The following GNAO1 variants were observed in gnomAD, a reference collection of about 807,000 sequenced individuals.
GNAO1 encodes G protein subunit alpha o1.
For synonymous variants in GNAO1, 164 were observed against 180.7 expected (o/e 0.91, Z 0.74); for missense variants, 166 against 478.7 (o/e 0.35, Z 6.10).
At chr16:56,238,846 C>T (rs751701644) in intron 2 of GNAO1, among the ~76,000 whole-genome samples, 3 of 152,108 alleles carry the variant, frequency 2.0e-5, no homozygotes, top group Non-Finnish European at 4.4e-5. Context: ...TCATAATTTG[C>T]GTTTGGGTAT....
At chr16:56,193,808 T>G in intron 2 of GNAO1, 1 of 309,190 alleles carries the variant, frequency 3.2e-6, no homozygotes, top group Non-Finnish European at 6.4e-6. Flanking sequence ...GACGGAGGAG[T>G]TCGTTTAGAC....
intron 6 of GNAO1, chr16:56,344,651 G>T: frequency 1.0e-6 from 1 of 985,770 alleles, no homozygotes; most frequent in Non-Finnish European, 1.2e-6. Context: ...GGAGCGGGGG[G>T]AGGGAGAGAT....
At chr16:56,265,990 T>A (rs1157764179) in intron 2 of GNAO1, among the ~76,000 whole-genome samples, 1 of 152,186 alleles carries the variant, frequency 6.6e-6, no homozygotes, top group African/African-American at 2.4e-5. Context: ...TCCCTCTGCC[T>A]GTTGCGTTCT....
rs113760445 is a variant in GNAO1 at position 56,353,918 on chromosome 16, G to A, written c.878-948G>A. Among the ~76,000 whole-genome samples, 402 of 152,312 alleles carry A rather than the reference G, an allele frequency of 2.6e-3. 3 individuals are homozygous for A. Among genetic ancestry groups the A allele is most frequent in the African/African-American group, 9.0e-3 (374 of 41,570 alleles). ...CCTTGTACACCCAAGGAATTGGTGG[G>A]GACAGAGGGCCCCCAGTTGGCATCA... On this transcript the variant is annotated intron_variant, in intron 7 of 8. Coordinates refer to ENST00000262493, the MANE Select transcript of GNAO1 (RefSeq NM_020988.3).
At chr16:56,320,082 A>AG (rs747818922) in intron 3 of GNAO1, among the ~76,000 whole-genome samples, 81 of 152,198 alleles carry the variant, frequency 5.3e-4, no homozygotes, top group Non-Finnish European at 1.0e-3. Context: ...TGTGGAAAAG[A>AG]GTCCTGTAGG....
At chr16:56,289,872 A>G (rs1227952213) in intron 3 of GNAO1, among the ~76,000 whole-genome samples, 1 of 152,146 alleles carries the variant, frequency 6.6e-6, no homozygotes, top group Admixed American at 6.5e-5. Flanking sequence ...CAGTCCCCCA[A>G]ACAATTGCAC....
intron 2 of GNAO1, among the ~76,000 whole-genome samples, chr16:56,256,158 T>C (rs1596823574): frequency 6.6e-6 from 1 of 152,244 alleles, no homozygotes; most frequent in African/African-American, 2.4e-5. Flanking sequence ...CCACAGCTGG[T>C]GGGAGTGGAG....
At chr16:56,324,028 G>T (rs2037604076) in intron 3 of GNAO1, among the ~76,000 whole-genome samples, 1 of 152,148 alleles carries the variant, frequency 6.6e-6, no homozygotes, top group African/African-American at 2.4e-5. Context: ...AAGGGCGGGG[G>T]GCCAGGGGGT....
At chr16:56,264,106 G>C (rs1056873106) in intron 2 of GNAO1, among the ~76,000 whole-genome samples, 27 of 152,242 alleles carry the variant, frequency 1.8e-4, no homozygotes, top group African/African-American at 6.5e-4. Flanking sequence ...CACCACCAAG[G>C]GGGAGCCCCA....
intron 2 of GNAO1, among the ~76,000 whole-genome samples, chr16:56,239,754 A>C (rs1272010690): frequency 6.6e-6 from 1 of 152,236 alleles, no homozygotes; most frequent in Non-Finnish European, 1.5e-5. Context: ...CTAGATCCTT[A>C]TAAATGTCAT....
chr16:56,259,371 C>T (rs1483527590), intron 2 of GNAO1, among the ~76,000 whole-genome samples: 1 of 152,068 alleles, frequency 6.6e-6, no homozygotes, highest in Admixed American at 6.5e-5. Flanking sequence ...CTATTTGTGC[C>T]ACATCTAATG....
chr16:56,226,444 G>A (rs1482072256), intron 2 of GNAO1: 1 of 152,150 alleles, frequency 6.6e-6, no homozygotes, highest in Non-Finnish European at 1.5e-5. Flanking sequence ...GTTAGCTCTT[G>A]TGAGCCAGCA....
intron 3 of GNAO1, among the ~76,000 whole-genome samples, chr16:56,327,354 A>G (rs1380469911): frequency 1.3e-5 from 2 of 152,056 alleles, no homozygotes; most frequent in African/African-American, 4.8e-5. Context: ...TGCCATACTC[A>G]ACATCAAGCA....
chr16:56,347,352 C>T lies in GNAO1; in HGVS notation c.724-4032C>T, dbSNP rs565273923. The T allele has an allele frequency of 3.9e-4, 380 of 985,526 alleles. 6 individuals are homozygous for T. The South Asian group carries it at 8.1e-3, about 21-fold the overall frequency. 61.0% of individuals were successfully genotyped at this position (985,526 alleles called of 1,614,324 possible). On this transcript the variant is annotated intron_variant, in intron 6 of 8. Transcript: ENST00000262493. ...CCCCAGGCAGTTCCTGCTGTCAGGC[C>T]GCAAGCCTAGAGCGCAGGATCCCAG...
intron 2 of GNAO1, among the ~76,000 whole-genome samples, chr16:56,259,784 T>G (rs1355840744): frequency 1.1e-4 from 16 of 152,220 alleles, no homozygotes; most frequent in Admixed American, 1.0e-3. Flanking sequence ...AGGGCCAGTG[T>G]GACAACAGAA....
intron 2 of GNAO1, among the ~76,000 whole-genome samples, chr16:56,225,411 T>C (rs2036525165): frequency 6.6e-6 from 1 of 152,206 alleles, no homozygotes; most frequent in South Asian, 2.1e-4. Flanking sequence ...TTACTGCAGG[T>C]ATGACTTGCC....
At chr16:56,194,023 T>A (rs1244935633) in intron 2 of GNAO1, 4 of 429,558 alleles carry the variant, frequency 9.3e-6, no homozygotes, top group African/African-American at 2.0e-5. Flanking sequence ...ATGCTTGCGG[T>A]TTCAGAACCA....
chr16:56,256,690 C>G (rs1252995630), intron 2 of GNAO1, among the ~76,000 whole-genome samples: 4 of 110,308 alleles, frequency 3.6e-5, no homozygotes, highest in African/African-American at 7.8e-5. Context: ...CTCTCTGTCT[C>G]TCTCTCTCTC....
chr16:56,307,503 C>G (rs1194962387), intron 3 of GNAO1: 2 of 152,142 alleles, frequency 1.3e-5, no homozygotes, highest in African/African-American at 4.8e-5. Context: ...ATGCACACAC[C>G]CCACGATTTA....
Sources: gnomAD v4.1 joint callset for allele counts (sites outside exome capture counted in the v4.1 genomes callset) on GRCh38, gnomAD v4.1.1 for gene constraint, MANE v1.5 for transcripts, NCBI Gene and HGNC (gene_info 2026-07-23, HGNC 2026-07-21) for gene names.